Variants in PREX2 observed in about 807,000 individuals in gnomAD.
PREX2 encodes phosphatidylinositol 3,4,5-trisphosphate-dependent Rac exchanger 2 protein.
PREX2 carries 107 observed loss-of-function variants against 203.2 expected under a neutral mutation model. The observed-to-expected ratio is 0.53, with a 90% CI of 0.45 to 0.62. PREX2 has a LOEUF of 0.62. Among genes scored for constraint, PREX2 ranks in the 20% least tolerant of loss-of-function variants. PREX2 has a pLI of 0.00. For synonymous variants in PREX2, 672 were observed against 663.6 expected, an observed-to-expected ratio of 1.01 and a Z score of -0.19; for missense variants, 1,777 against 1,955.9, an observed-to-expected ratio of 0.91 and a Z score of 1.72.
intron 1 of PREX2, among the ~76,000 whole-genome samples, chr8:67,995,121 T>C (rs1160284242): frequency 6.6e-6 from 1 of 152,162 alleles, no homozygotes; most frequent in African/African-American, 2.4e-5. Context: ...CTGCCCTTCA[T>C]ACATACTGGT....
intron 37 of PREX2, among the ~76,000 whole-genome samples, chr8:68,216,810 G>C (rs1812847963): frequency 6.6e-6 from 1 of 151,994 alleles, no homozygotes; most frequent in Non-Finnish European, 1.5e-5. Flanking sequence ...ACAAAAATTA[G>C]CTGGGTGTGG....
chr8:68,112,161 C>T (rs1348306138), intron 25 of PREX2, among the ~76,000 whole-genome samples: 1 of 152,118 alleles, frequency 6.6e-6, no homozygotes, highest in Non-Finnish European at 1.5e-5. Context: ...TGTCTAGTAA[C>T]ATGAGGTAAG....
chr8:68,194,952 G>C (rs938817851), intron 37 of PREX2, among the ~76,000 whole-genome samples: 1 of 152,116 alleles, frequency 6.6e-6, no homozygotes, highest in Admixed American at 6.5e-5. Flanking sequence ...CCTCAACAAA[G>C]CATCATTGCC....
chr8:67,964,533 A>G (rs58623854), intron 1 of PREX2, among the ~76,000 whole-genome samples: 236 of 152,292 alleles, frequency 1.5e-3, no homozygotes, highest in African/African-American at 5.5e-3. Flanking sequence ...TTCCCTCTAA[A>G]ATAATATATT....
At chr8:68,119,335 T>G in intron 27 of PREX2, 97 bp from the exon 28 acceptor site, 1 of 796,084 alleles carries the variant, frequency 1.3e-6, no homozygotes. Flanking sequence ...AGCTTGTGTT[T>G]AATTTTTACA....
chr8:68,128,995 G>GT (rs1810950693), intron 31 of PREX2, among the ~76,000 whole-genome samples: 1 of 152,144 alleles, frequency 6.6e-6, no homozygotes, highest in African/African-American at 2.4e-5. Flanking sequence ...ATATCTGAGA[G>GT]TTTCTGAGCT....
chr8:68,105,255 C>A (rs755794938), intron 23 of PREX2: 3 of 1,367,700 alleles, frequency 2.2e-6, no homozygotes, highest in Non-Finnish European at 2.9e-6. Flanking sequence ...GGAGTTCCTC[C>A]TGCTGCCTCC....
Position 68,231,453 on chromosome 8 carries a change from T to C in PREX2, c.*75T>C. The C allele has an allele frequency of 8.3e-7, 1 of 1,205,086 alleles. No homozygotes were observed. Among genetic ancestry groups the C allele is most frequent in the Non-Finnish European group, 1.1e-6 (1 of 870,362 alleles). 74.6% of individuals were successfully genotyped at this position (1,205,086 alleles called of 1,614,324 possible). On this transcript the variant is annotated 3_prime_UTR_variant, in exon 40 of 40. Coordinates refer to ENST00000288368, the MANE Select transcript of PREX2 (RefSeq NM_024870.4). ...AGACAAACTACATGCTGGCTAAACA[T>C]TCTCCACTGAAGATACATCAATGCT...
At chr8:67,988,839 T>C (rs1806514892) in intron 1 of PREX2, among the ~76,000 whole-genome samples, 1 of 152,230 alleles carries the variant, frequency 6.6e-6, no homozygotes. Context: ...CCCCATGGAC[T>C]GTGAGACTCA....
At chr8:68,091,334 C>A (rs1340745979) in intron 20 of PREX2, among the ~76,000 whole-genome samples, 1 of 152,150 alleles carries the variant, frequency 6.6e-6, no homozygotes, top group African/African-American at 2.4e-5. Context: ...AAATTAGAAT[C>A]ATAATTCATA....
intron 24 of PREX2, 34 bp downstream of exon 24, chr8:68,108,365 A>G (rs752861802): frequency 6.5e-6 from 10 of 1,537,048 alleles, no homozygotes; most frequent in Non-Finnish European, 9.0e-6. Context: ...TCAAATCATG[A>G]AAAGCAATTT....
At chr8:68,069,527 C>A (rs1445205758) in intron 12 of PREX2, among the ~76,000 whole-genome samples, 1 of 123,482 alleles carries the variant, frequency 8.1e-6, no homozygotes, top group Non-Finnish European at 1.8e-5. Context: ...AGATGTATTA[C>A]TGTATTGGTA....
intron 38 of PREX2, among the ~76,000 whole-genome samples, chr8:68,221,238 C>T (rs1238297408): frequency 6.6e-6 from 1 of 152,078 alleles, no homozygotes; most frequent in Non-Finnish European, 1.5e-5. Flanking sequence ...TGTATATGTA[C>T]CACATGTTTT....
At chr8:68,022,222 G>T in intron 4 of PREX2, 82 bp downstream of exon 4, 2 of 730,172 alleles carry the variant, frequency 2.7e-6, no homozygotes, top group Non-Finnish European at 4.9e-6. Context: ...TCAATATGGA[G>T]TAAAAATCTG....
At chr8:67,956,575 C>T (rs1395703910) in intron 1 of PREX2, among the ~76,000 whole-genome samples, 1 of 152,200 alleles carries the variant, frequency 6.6e-6, no homozygotes, top group Non-Finnish European at 1.5e-5. Flanking sequence ...GCTTTTTGAA[C>T]AAGAAACCTC....
At chr8:68,020,466 GTATT>G (rs1281253679) in intron 3 of PREX2, among the ~76,000 whole-genome samples, 1 of 152,018 alleles carries the variant, frequency 6.6e-6, no homozygotes, top group Admixed American at 6.6e-5. Context: ...ATGTGTAAGC[GTATT>G]TAGTGATAGA....
Position 68,231,410 on chromosome 8 carries a change from G to A in PREX2, c.*32G>A. ...CTCCCAAGAAACCAGGCAGGCAGAA[G>A]CTCCTGAATGCTGGACTAGACAAAC... On this transcript the variant is annotated 3_prime_UTR_variant, in exon 40 of 40. Coordinates refer to ENST00000288368, the MANE Select transcript of PREX2 (RefSeq NM_024870.4). 1.9e-6 allele frequency: 3 copies of A among 1,583,174 alleles called. No homozygotes were observed. The highest frequency in any genetic ancestry group is 2.6e-6 in the Non-Finnish European group (3 of 1,163,802).
chr8:68,183,348 A>G (rs1449447796), intron 35 of PREX2, among the ~76,000 whole-genome samples: 2 of 152,172 alleles, frequency 1.3e-5, no homozygotes, highest in Non-Finnish European at 2.9e-5. Flanking sequence ...TTATCTTGAA[A>G]CACAATTATC....
intron 38 of PREX2, among the ~76,000 whole-genome samples, chr8:68,224,117 C>T (rs1483203893): frequency 6.6e-6 from 1 of 152,126 alleles, no homozygotes; most frequent in Non-Finnish European, 1.5e-5. Context: ...CTCCTAGCCT[C>T]AAACAATCCT....
Sources: allele counts gnomAD v4.1 joint callset (sites outside exome capture counted in the v4.1 genomes callset), GRCh38; gene constraint gnomAD v4.1.1; transcripts MANE v1.5; gene names NCBI Gene and HGNC (gene_info 2026-07-23, HGNC 2026-07-21).